Variants in CEP120 observed in about 807,000 individuals in gnomAD.
The protein encoded by CEP120 is centrosomal protein of 120 kDa.
In CEP120, 113 loss-of-function variants were observed where a neutral mutation model predicts 126.5. That is an observed-to-expected ratio of 0.89 (90% CI 0.77 to 1.04). The LOEUF is 1.04. CEP120 is among the 50% of genes least tolerant of loss of function. The pLI is 0.00. For synonymous variants in CEP120, 400 were observed against 394.3 expected (o/e 1.01, Z -0.17); for missense variants, 1,230 against 1,155.7 (o/e 1.06, Z -0.93).
intron 4 of CEP120, among the ~76,000 whole-genome samples, chr5:123,406,239 G>A (rs1432608505): frequency 6.7e-6 from 1 of 150,320 alleles, no homozygotes; most frequent in African/African-American, 2.4e-5. Context: ...TAAAAACGGT[G>A]TAATAAACAC....
intron 1 of CEP120, chr5:123,422,360 A>G: frequency 1.4e-6 from 1 of 724,032 alleles, no homozygotes; most frequent in South Asian, 1.8e-5. Flanking sequence ...TCTCCTTGCT[A>G]CATCCTTAGC....
intron 18 of CEP120, 43 bp downstream of exon 18, chr5:123,364,452 AC>A: frequency 7.4e-7 from 1 of 1,344,840 alleles, no homozygotes; most frequent in Non-Finnish European, 1.0e-6. Flanking sequence ...TTGCAAAGAA[AC>A]AAGGGAAAAA....
Position 123,346,394 on chromosome 5 carries a change from A to C in CEP120, c.*125T>G. Reference sequence around the variant, plus strand: ...TCAAATAAATACTATACAATAACATACAAAATTTTGCTTATAAAAAATTGA... The same window carrying C: ...TCAAATAAATACTATACAATAACATCCAAAATTTTGCTTATAAAAAATTGA... On this transcript the variant is annotated 3_prime_UTR_variant, in exon 20 of 20. Coordinates refer to ENST00000306467, the MANE Select transcript of CEP120 (RefSeq NM_001375405.1). The C allele has an allele frequency of 9.1e-6, 6 of 656,698 alleles. No homozygotes were observed. The South Asian group carries it at 1.3e-4, about 14-fold the overall frequency. 40.7% of individuals were successfully genotyped at this position (656,698 alleles called of 1,614,324 possible). A position where few individuals can be genotyped will look rare whatever the true frequency, so the allele number is the denominator to read the frequency against.
chr5:123,346,654 A>G lies in CEP120; in HGVS notation c.2826T>C (p.Asp942=), dbSNP rs1047438. Residue 942 remains aspartate, a synonymous_variant, in exon 20 of 20, where the codon GAT becomes GAC. Transcript: ENST00000306467. ...PHGSVLEEGL[D]DYLTRLIEER... ...CTTCTATCAGGCGAGTCAAATAATC[A>G]TCCAAACCTTCTTCCAATACACTGC... The G allele has an allele frequency of 0.7, 1,133,930 of 1,613,262 alleles. 399,949 individuals carry two copies. The highest frequency in any genetic ancestry group is 0.75 in the African/African-American group (56,229 of 74,926).
At position 123,345,990 on chromosome 5, in the gene CEP120, G is replaced by A. The variant is rs914827179; in HGVS notation, c.*529C>T. On this transcript the variant is annotated 3_prime_UTR_variant, in exon 20 of 20. Coordinates refer to ENST00000306467, the MANE Select transcript of CEP120 (RefSeq NM_001375405.1). ...AAATGACCAATCTGTCACCCAACAT[G>A]TCATGTGGCTTCTCTGCACTGATCT... 6.6e-6 allele frequency: 1 copy of A among 152,458 alleles called. No individual in the cohort carries two copies. The highest frequency in any genetic ancestry group is 1.5e-5 in the Non-Finnish European group (1 of 68,052). 9.4% of individuals were successfully genotyped at this position (152,458 alleles called of 1,614,324 possible).
chr5:123,389,027 A>C (rs984921270), intron 8 of CEP120, among the ~76,000 whole-genome samples: 9 of 152,330 alleles, frequency 5.9e-5, no homozygotes, highest in Middle Eastern at 6.8e-3. Flanking sequence ...CAGAAAGCTA[A>C]AACTTAAAAA....
At chr5:123,394,033 C>G (rs1401424247) in intron 5 of CEP120, among the ~76,000 whole-genome samples, 3 of 152,172 alleles carry the variant, frequency 2.0e-5, no homozygotes, top group Non-Finnish European at 4.4e-5. Context: ...ATGAGTGTTA[C>G]TTTTCAGAGT....
intron 2 of CEP120, among the ~76,000 whole-genome samples, chr5:123,416,881 T>C (rs1774424485): frequency 6.6e-6 from 1 of 152,054 alleles, no homozygotes; most frequent in Non-Finnish European, 1.5e-5. Context: ...AGGAATTAAA[T>C]ATAAAATAAA....
At chr5:123,373,079 A>G (rs1371309254) in intron 16 of CEP120, among the ~76,000 whole-genome samples, 3 of 152,110 alleles carry the variant, frequency 2.0e-5, no homozygotes, top group African/African-American at 7.2e-5. Context: ...CACTTTCTTT[A>G]CACTTTTCTT....
intron 18 of CEP120, among the ~76,000 whole-genome samples, chr5:123,359,553 T>TGAA (rs1156296148): frequency 6.6e-6 from 1 of 152,010 alleles, no homozygotes; most frequent in African/African-American, 2.4e-5. Flanking sequence ...TAGTATATCT[T>TGAA]GAAGAAGAAA....
intron 4 of CEP120, among the ~76,000 whole-genome samples, chr5:123,407,001 C>T (rs941870177): frequency 1.3e-5 from 2 of 149,934 alleles, no homozygotes; most frequent in African/African-American, 4.9e-5. Flanking sequence ...ACCTGTGAAG[C>T]AGTATAGTGT....
intron 5 of CEP120, among the ~76,000 whole-genome samples, chr5:123,395,347 C>T (rs1188847243): frequency 2.0e-5 from 3 of 152,160 alleles, no homozygotes; most frequent in African/African-American, 7.2e-5. Flanking sequence ...GTAACATGTG[C>T]TAAGTCACTG....
intron 18 of CEP120, among the ~76,000 whole-genome samples, chr5:123,361,765 G>A (rs571181044): frequency 4.0e-5 from 6 of 151,776 alleles, no homozygotes; most frequent in African/African-American, 1.4e-4. Flanking sequence ...CAGCTTTATG[G>A]CTCATCTCTT....
chr5:123,379,548 A>G (rs1056545770), intron 14 of CEP120, among the ~76,000 whole-genome samples: 2 of 152,114 alleles, frequency 1.3e-5, no homozygotes, highest in African/African-American at 4.8e-5. Context: ...CATAACTACC[A>G]TTTTAGATGC....
intron 2 of CEP120, among the ~76,000 whole-genome samples, chr5:123,416,698 G>A (rs1774416748): frequency 6.6e-6 from 1 of 151,966 alleles, no homozygotes; most frequent in Non-Finnish European, 1.5e-5. Context: ...TTTCATCTAA[G>A]AAGCCATCAT....
At position 123,379,299 on chromosome 5, in the gene CEP120, T is replaced by C. The variant is rs1229838346; in HGVS notation, c.2104-871A>G. ...TTTCACTACTATTAGTTTTTGGCTTTCGTTTTTTATACATATTGCTTTCCT... is the reference window on the plus strand; with the variant it reads ...TTTCACTACTATTAGTTTTTGGCTTCCGTTTTTTATACATATTGCTTTCCT... On this transcript the variant is annotated intron_variant, in intron 14 of 19. Transcript: ENST00000306467. Among the ~76,000 whole-genome samples, 7 of 152,090 alleles carry C rather than the reference T, an allele frequency of 4.6e-5. 1 individual carries two copies. Among genetic ancestry groups the C allele is most frequent in the Admixed American group, 4.6e-4 (7 of 15,252 alleles).
At chr5:123,386,801 G>A (rs1772059905) in intron 9 of CEP120, 134 bp from the exon 10 acceptor site, 3 of 632,536 alleles carry the variant, frequency 4.7e-6, no homozygotes, top group Non-Finnish European at 7.0e-6. Context: ...AAACATGGTA[G>A]ACATAGCAAT....
intron 19 of CEP120, 76 bp from the exon 20 acceptor site, chr5:123,346,829 T>A (rs1414032715): frequency 1.9e-6 from 2 of 1,068,878 alleles, no homozygotes; most frequent in Non-Finnish European, 2.6e-6. Context: ...AACAAAATGA[T>A]TCAATGGTAA....
At chr5:123,374,869 T>C (rs957620447) in intron 16 of CEP120, among the ~76,000 whole-genome samples, 3 of 152,140 alleles carry the variant, frequency 2.0e-5, no homozygotes, top group South Asian at 2.1e-4. Flanking sequence ...CTTGTTACAA[T>C]TGGGCTATAA....
Sources: gnomAD v4.1 joint callset for allele counts (sites outside exome capture counted in the v4.1 genomes callset) on GRCh38, gnomAD v4.1.1 for gene constraint, MANE v1.5 for transcripts, NCBI Gene and HGNC (gene_info 2026-07-23, HGNC 2026-07-21) for gene names.